LTBP1: variants seen among roughly 807,000 people sequenced by gnomAD.
LTBP1 encodes the protein latent transforming growth factor beta binding protein 1, also known as latent-transforming growth factor beta-binding protein 1.
In LTBP1, 129 loss-of-function variants were observed where a neutral mutation model predicts 207.6. That is an observed-to-expected ratio of 0.62 (90% CI 0.54 to 0.72). The LOEUF (loss-of-function observed/expected upper bound fraction) is 0.72, where lower values mean the gene tolerates loss of function less well. Ranked by LOEUF, LTBP1 falls within the 30% of genes least tolerant of loss-of-function variation. LTBP1 has a pLI of 0.00. For synonymous variants in LTBP1, 963 were observed against 833.7 expected (o/e 1.16, Z -2.67); for missense variants, 2,281 against 2,217.2 (o/e 1.03, Z -0.58).
intron 9 of LTBP1, among the ~76,000 whole-genome samples, chr2:33,239,492 A>T (rs1282469551): frequency 6.6e-6 from 1 of 152,208 alleles, no homozygotes; most frequent in Non-Finnish European, 1.5e-5. Context: ...TTTGTCATCT[A>T]TAGAGGGAGA....
At chr2:33,071,916 G>A (rs1195375880) in intron 3 of LTBP1, among the ~76,000 whole-genome samples, 1 of 152,214 alleles carries the variant, frequency 6.6e-6, no homozygotes, top group Non-Finnish European at 1.5e-5. Flanking sequence ...CTGCCCACCA[G>A]CAAGCAAGCA....
intron 7 of LTBP1, among the ~76,000 whole-genome samples, chr2:33,203,368 G>C (rs533587345): frequency 6.6e-6 from 1 of 152,214 alleles, no homozygotes; most frequent in African/African-American, 2.4e-5. Context: ...CAGTGGAGAG[G>C]AGAACTGCTC....
At chr2:33,318,013 T>A (rs1472550346) in intron 24 of LTBP1, 1 of 152,128 alleles carries the variant, frequency 6.6e-6, no homozygotes, top group Non-Finnish European at 1.5e-5. Flanking sequence ...CACTCCACAT[T>A]CTAAAACTTT....
At chr2:33,222,605 A>G (rs1290867419) in intron 9 of LTBP1, among the ~76,000 whole-genome samples, 1 of 152,188 alleles carries the variant, frequency 6.6e-6, no homozygotes, top group African/African-American at 2.4e-5. Context: ...GAGTAAACAC[A>G]TTTTGCCTAG....
At chr2:33,104,787 G>A (rs1280790359) in intron 3 of LTBP1, among the ~76,000 whole-genome samples, 2 of 152,100 alleles carry the variant, frequency 1.3e-5, no homozygotes, top group East Asian at 3.8e-4. Context: ...TCTCCTTAGA[G>A]ATCCACCCTG....
intron 20 of LTBP1, among the ~76,000 whole-genome samples, chr2:33,293,870 C>T (rs1437337313): frequency 5.3e-5 from 8 of 151,702 alleles, no homozygotes; most frequent in East Asian, 1.9e-4. Flanking sequence ...TTTTTTCAAA[C>T]GTTATTTTTA....
At chr2:33,053,416 AT>A (rs1165726791) in intron 3 of LTBP1, among the ~76,000 whole-genome samples, 1 of 152,074 alleles carries the variant, frequency 6.6e-6, no homozygotes, top group African/African-American at 2.4e-5. Flanking sequence ...GTTTGGACAA[AT>A]GTATAATGAC....
At chr2:33,234,666 C>T (rs62148876) in intron 9 of LTBP1, among the ~76,000 whole-genome samples, 4,024 of 152,212 alleles carry the variant, frequency 0.026, 62 homozygotes, top group East Asian at 0.06. Flanking sequence ...TTTATAGATT[C>T]AATGCTATCC....
chr2:33,267,579 C>T (rs1041918650), intron 15 of LTBP1, among the ~76,000 whole-genome samples: 34 of 152,036 alleles, frequency 2.2e-4, no homozygotes, highest in African/African-American at 8.2e-4. Context: ...TTTTGGACAG[C>T]AAGGATCTTC....
chr2:33,357,523 G>A (rs1280582708), intron 26 of LTBP1, among the ~76,000 whole-genome samples: 8 of 152,206 alleles, frequency 5.3e-5, no homozygotes, highest in Admixed American at 5.2e-4. Context: ...CTTCCGGGAA[G>A]TGAGGATGCT....
chr2:33,286,100 T>A (rs1232301486), intron 19 of LTBP1, among the ~76,000 whole-genome samples: 1 of 152,210 alleles, frequency 6.6e-6, no homozygotes, highest in East Asian at 1.9e-4. Context: ...TTGGGGGTTG[T>A]CTTGCTTTGT....
At chr2:33,250,133 A>G (rs1410073147) in intron 10 of LTBP1, among the ~76,000 whole-genome samples, 1 of 152,250 alleles carries the variant, frequency 6.6e-6, no homozygotes, top group Admixed American at 6.5e-5. Context: ...TGAAAATACT[A>G]GAGATGTTTA....
chr2:33,157,527 A>G (rs1438842142), intron 5 of LTBP1, among the ~76,000 whole-genome samples: 2 of 152,202 alleles, frequency 1.3e-5, no homozygotes, highest in Non-Finnish European at 2.9e-5. Flanking sequence ...TGAGACCCAG[A>G]CAGGGAGGTT....
chr2:33,051,163 T>G (rs2076719678), intron 3 of LTBP1, among the ~76,000 whole-genome samples: 1 of 152,176 alleles, frequency 6.6e-6, no homozygotes, highest in African/African-American at 2.4e-5. Context: ...GTGCCTGTGA[T>G]CACAGCGCTT....
chr2:33,134,806 T>C lies in LTBP1; in HGVS notation c.1047T>C (p.Thr349=). 1 of 1,614,184 alleles carries C rather than the reference T, an allele frequency of 6.2e-7. No homozygotes were observed. The highest frequency in any genetic ancestry group is 8.5e-7 in the Non-Finnish European group (1 of 1,180,030). Residue 349 remains threonine, a synonymous_variant, in exon 5 of 34, where the codon ACT becomes ACC. Coordinates refer to ENST00000404816, the MANE Select transcript of LTBP1 (RefSeq NM_206943.4). The surrounding 1 kb of genome is among the most constrained non-coding windows in gnomAD (Gnocchi z 4.4). ...VAAPFQLSNH[T]GRIKVVFTPS... Reference sequence around the variant, plus strand: ...CTCCGCTCCTAGTGAGTAACCACACTGGCCGCATCAAGGTGGTCTTTACTC... The same window carrying C: ...CTCCGCTCCTAGTGAGTAACCACACCGGCCGCATCAAGGTGGTCTTTACTC...
At chr2:33,042,804 T>C (rs907742891) in intron 3 of LTBP1, among the ~76,000 whole-genome samples, 1 of 152,232 alleles carries the variant, frequency 6.6e-6, no homozygotes, top group African/African-American at 2.4e-5. Context: ...TTTATGTTGT[T>C]ACGCTAATAA....
chr2:33,253,167 G>C (rs549485834), intron 11 of LTBP1, among the ~76,000 whole-genome samples: 96 of 152,160 alleles, frequency 6.3e-4, no homozygotes, highest in Non-Finnish European at 1.2e-3. Flanking sequence ...GCTGGGCCAT[G>C]CGCTTTCCTA....
chr2:33,042,763 A>G (rs964115638), intron 3 of LTBP1, among the ~76,000 whole-genome samples: 2 of 152,256 alleles, frequency 1.3e-5, no homozygotes, highest in East Asian at 3.8e-4. Context: ...ATCTATGCCT[A>G]GATATTTACA....
chr2:33,081,605 G>T (rs772998228), intron 3 of LTBP1, among the ~76,000 whole-genome samples: 14 of 152,154 alleles, frequency 9.2e-5, no homozygotes. Flanking sequence ...CTAAACAGGG[G>T]AGTAGTAAGA....
Sources: gnomAD v4.1 joint callset for allele counts (sites outside exome capture counted in the v4.1 genomes callset) on GRCh38, gnomAD v4.1.1 for gene constraint, Gnocchi (gnomAD v3.1) non-coding constraint, MANE v1.5 for transcripts, NCBI Gene and HGNC (gene_info 2026-07-23, HGNC 2026-07-21) for gene names.